The following KCTD16 variants were observed in gnomAD, a reference collection of about 807,000 sequenced individuals.
KCTD16 encodes the protein potassium channel tetramerization domain containing 16.
In KCTD16, 13 loss-of-function variants were observed where a neutral mutation model predicts 33.2. That is an observed-to-expected ratio of 0.39 (90% confidence interval 0.25 to 0.62). KCTD16 has a LOEUF of 0.62. KCTD16 is among the 20% of genes least tolerant of loss of function. The pLI, the probability that KCTD16 is intolerant of heterozygous loss-of-function variation, is 0.50. For synonymous variants in KCTD16, 197 were observed against 195.3 expected (o/e 1.01, Z -0.07); for missense variants, 441 against 525.1 (o/e 0.84, Z 1.57).
intron 3 of KCTD16, among the ~76,000 whole-genome samples, chr5:144,299,909 A>AC (rs1174180883): frequency 3.4e-5 from 5 of 145,548 alleles, no homozygotes; most frequent in South Asian, 2.1e-4. Context: ...AAAAAAAAAA[A>AC]AAAAAACAAA....
intron 3 of KCTD16, among the ~76,000 whole-genome samples, chr5:144,245,523 G>C (rs1754526416): frequency 6.6e-6 from 1 of 152,160 alleles, no homozygotes; most frequent in South Asian, 2.1e-4. Context: ...GGTCCAGAAT[G>C]GGAGGAAAGC....
intron 3 of KCTD16, among the ~76,000 whole-genome samples, chr5:144,322,751 C>T (rs532456071): frequency 6.6e-6 from 1 of 151,158 alleles, no homozygotes; most frequent in East Asian, 1.9e-4. Context: ...ACAAAAACTT[C>T]TGAACTCATG....
At chr5:144,416,515 G>T (rs936670723) in intron 3 of KCTD16, among the ~76,000 whole-genome samples, 1 of 152,100 alleles carries the variant, frequency 6.6e-6, no homozygotes, top group Non-Finnish European at 1.5e-5. Flanking sequence ...GAGGAAATAT[G>T]TTTACTAAAG....
chr5:144,400,243 A>G (rs1752671838), intron 3 of KCTD16, among the ~76,000 whole-genome samples: 1 of 152,176 alleles, frequency 6.6e-6, no homozygotes, highest in African/African-American at 2.4e-5. Flanking sequence ...AGGCTTCCCT[A>G]AGAAATGCCC....
intron 3 of KCTD16, among the ~76,000 whole-genome samples, chr5:144,449,875 G>A (rs1753902554): frequency 6.6e-6 from 1 of 151,938 alleles, no homozygotes; most frequent in South Asian, 2.1e-4. Context: ...AAAGTTTCTT[G>A]ATGTTGGTCT....
chr5:144,354,579 A>C (rs1751529754), intron 3 of KCTD16, among the ~76,000 whole-genome samples: 1 of 152,198 alleles, frequency 6.6e-6, no homozygotes, highest in Non-Finnish European at 1.5e-5. Flanking sequence ...TGGAAACAAT[A>C]ATAAACTGTA....
rs969037950 is a variant in KCTD16, at chr5:144,475,564, G to C, written c.*1450G>C. On this transcript the variant is annotated 3_prime_UTR_variant, in exon 4 of 4. Coordinates refer to ENST00000512467, the MANE Select transcript of KCTD16 (RefSeq NM_020768.4). ...GACTTGTGCTACAAGAAGGTTAAAAGACCAGTTTTATTTTCAGCATTCCTC... is the reference window on the plus strand; with the variant it reads ...GACTTGTGCTACAAGAAGGTTAAAACACCAGTTTTATTTTCAGCATTCCTC... 1 of 152,568 alleles carries C rather than the reference G, an allele frequency of 6.6e-6. No homozygotes were observed. The highest frequency in any genetic ancestry group is 2.4e-5 in the African/African-American group (1 of 41,448). 9.5% of individuals were successfully genotyped at this position (152,568 alleles called of 1,614,324 possible).
intron 2 of KCTD16, among the ~76,000 whole-genome samples, chr5:144,198,918 C>G (rs1336080843): frequency 2.0e-5 from 3 of 152,182 alleles, no homozygotes; most frequent in Non-Finnish European, 4.4e-5. Context: ...GATTATATAG[C>G]TGGTAAGTAC....
In KCTD16 at chr5:144,478,170, G is replaced by C. The variant is rs370859704; in HGVS notation, c.*4056G>C. On this transcript the variant is annotated 3_prime_UTR_variant, in exon 4 of 4. Transcript: ENST00000512467. ...ATAGCACACTAGAGAAAGAACCAGA[G>C]TGAACATTCTGTATCCTGAGTTACA... is the stretch of plus-strand genomic sequence containing the variant. 36 of 152,098 alleles carry C rather than the reference G, an allele frequency of 2.4e-4. No individual in the cohort carries two copies. The East Asian group carries it at 6.2e-3, about 26-fold the overall frequency. 9.4% of individuals were successfully genotyped at this position (152,098 alleles called of 1,614,324 possible). A position where few individuals can be genotyped will look rare whatever the true frequency, so the allele number is the denominator to read the frequency against.
At chr5:144,395,259 C>T (rs1398654686) in intron 3 of KCTD16, among the ~76,000 whole-genome samples, 1 of 152,092 alleles carries the variant, frequency 6.6e-6, no homozygotes, top group Non-Finnish European at 1.5e-5. Context: ...TTTCAGTTAT[C>T]GATTTCTTTT....
intron 3 of KCTD16, among the ~76,000 whole-genome samples, chr5:144,392,042 A>G (rs1406898822): frequency 6.6e-6 from 1 of 152,244 alleles, no homozygotes; most frequent in Non-Finnish European, 1.5e-5. Context: ...TAATGACTAT[A>G]TAATTATAAC....
chr5:144,430,693 G>A (rs1411002592), intron 3 of KCTD16, among the ~76,000 whole-genome samples: 1 of 152,126 alleles, frequency 6.6e-6, no homozygotes, highest in Non-Finnish European at 1.5e-5. Flanking sequence ...TGTCGTTAGT[G>A]CTTTAGTGGG....
At chr5:144,220,869 A>G (rs1753726013) in intron 3 of KCTD16, among the ~76,000 whole-genome samples, 1 of 151,804 alleles carries the variant, frequency 6.6e-6, no homozygotes, top group African/African-American at 2.4e-5. Context: ...TGAACGCAGG[A>G]GACGGAGGTT....
chr5:144,352,923 T>A (rs1751478754), intron 3 of KCTD16, among the ~76,000 whole-genome samples: 3 of 152,246 alleles, frequency 2.0e-5, no homozygotes, highest in Admixed American at 6.5e-5. Flanking sequence ...AGCCGTCTGC[T>A]TATAAATACT....
chr5:144,173,860 C>T (rs902306123), intron 1 of KCTD16, among the ~76,000 whole-genome samples: 3 of 151,330 alleles, frequency 2.0e-5, no homozygotes, highest in Non-Finnish European at 2.9e-5. Flanking sequence ...TTGAGAACAT[C>T]CACTAATTTC....
chr5:144,356,502 G>T (rs1446343440), intron 3 of KCTD16, among the ~76,000 whole-genome samples: 1 of 152,032 alleles, frequency 6.6e-6, no homozygotes, highest in Non-Finnish European at 1.5e-5. Flanking sequence ...ATTCTGAAAG[G>T]TCAGTTTCAG....
intron 3 of KCTD16, among the ~76,000 whole-genome samples, chr5:144,347,756 G>A (rs953243238): frequency 2.0e-5 from 3 of 152,178 alleles, no homozygotes; most frequent in Admixed American, 6.5e-5. Context: ...TCCCTTTCCA[G>A]GCCCACATCG....
chr5:144,380,159 A>C (rs145967905), intron 3 of KCTD16, among the ~76,000 whole-genome samples: 2 of 152,314 alleles, frequency 1.3e-5, no homozygotes, highest in East Asian at 3.9e-4. Context: ...CTACAAAATA[A>C]ATATACAAAA....
chr5:144,465,724 T>A (rs945496511), intron 3 of KCTD16, among the ~76,000 whole-genome samples: 1 of 152,000 alleles, frequency 6.6e-6, no homozygotes, highest in African/African-American at 2.4e-5. Context: ...TCCACCTGCG[T>A]TTCTCATAAA....
Sources: gnomAD v4.1 joint callset for allele counts (sites outside exome capture counted in the v4.1 genomes callset) on GRCh38, gnomAD v4.1.1 for gene constraint, MANE v1.5 for transcripts, NCBI Gene and HGNC (gene_info 2026-07-23, HGNC 2026-07-21) for gene names.